Variants in MCF2L observed in about 807,000 individuals in gnomAD.
MCF2L encodes the protein MCF.2 cell line derived transforming sequence like.
MCF2L carries 97 observed loss-of-function variants against 153.4 expected under a neutral mutation model. The ratio of observed to expected loss-of-function variants is 0.63; its 90% CI spans 0.54 to 0.75. MCF2L has a LOEUF of 0.75. Among genes scored for constraint, MCF2L ranks in the 30% least tolerant of loss-of-function variants. The probability of loss-of-function intolerance (pLI) is 0.00; values close to 1 mark genes in which losing one functional copy is unlikely to be tolerated. For missense variants in MCF2L, 1,347 were observed against 1,495.2 expected (o/e 0.90, Z 1.64); for synonymous variants, 659 against 632.2 (o/e 1.04, Z -0.64).
At chr13:113,013,135 T>A (rs146044313) in intron 1 of MCF2L, among the ~76,000 whole-genome samples, 8 of 152,278 alleles carry the variant, frequency 5.3e-5, no homozygotes, top group African/African-American at 1.9e-4. Context: ...CTGCGCAGTC[T>A]AGGCTGCCGT....
At chr13:113,065,971 C>T (rs1240788585) in intron 7 of MCF2L, 75 bp from the exon 8 acceptor site, 1 of 1,503,952 alleles carries the variant, frequency 6.6e-7, no homozygotes, top group African/African-American at 1.4e-5. Context: ...AGAGCAAGGC[C>T]CCACGAGGCC....
intron 1 of MCF2L, among the ~76,000 whole-genome samples, chr13:112,970,341 G>A (rs1411671998): frequency 1.3e-5 from 2 of 152,146 alleles, no homozygotes; most frequent in African/African-American, 2.4e-5. Flanking sequence ...TGCCCACCCC[G>A]ATGGATTCTG....
chr13:113,013,253 C>T (rs2084290999), intron 1 of MCF2L, among the ~76,000 whole-genome samples: 1 of 152,230 alleles, frequency 6.6e-6, no homozygotes, highest in African/African-American at 2.4e-5. Context: ...TTCTGTCTTT[C>T]TCCCACAAAA....
At position 113,013,982 on chromosome 13, in the gene MCF2L, C is replaced by T. The variant is rs115010905; in HGVS notation, c.80-781C>T. On this transcript the variant is annotated intron_variant, in intron 1 of 29. Coordinates refer to ENST00000535094, the MANE Select transcript of MCF2L (RefSeq NM_001112732.3). ...TCCGAGCTGATGCTGGCCTAGTGCT[C>T]CCAGCTGGTGCTGGCCCCGTGCTCC... Among the ~76,000 whole-genome samples the T allele has an allele frequency of 8.5e-3, 1,271 of 150,378 alleles. 16 individuals carry two copies. The highest frequency in any genetic ancestry group is 0.03 in the African/African-American group (1,207 of 39,954).
Position 113,099,225 on chromosome 13 carries a change from T to C in MCF2L, c.*2366T>C, listed in dbSNP as rs2035829811. 6.6e-6 allele frequency: 1 copy of C among 152,150 alleles called. No homozygotes were observed. The highest frequency in any genetic ancestry group is 6.5e-5 in the Admixed American group (1 of 15,278). 9.4% of individuals were successfully genotyped at this position (152,150 alleles called of 1,614,324 possible). On this transcript the variant is annotated 3_prime_UTR_variant, in exon 30 of 30. Coordinates refer to ENST00000535094, the MANE Select transcript of MCF2L (RefSeq NM_001112732.3). ...CTATAAAGCTCAAAACACAGCAAAG[T>C]TGGCAGTCGGCAGACAGCAATGTTG... is the stretch of plus-strand genomic sequence containing the variant.
intron 18 of MCF2L, 36 bp from the exon 19 acceptor site, chr13:113,084,856 C>A (rs1364764448): frequency 6.6e-7 from 1 of 1,523,428 alleles, no homozygotes. Flanking sequence ...CTGCCCATCC[C>A]TCACTGCGTG....
At position 113,046,171 on chromosome 13, in the gene MCF2L, G is replaced by A. The variant is rs773561933; in HGVS notation, c.369+810G>A. 56 of 175,922 alleles carry A rather than the reference G, an allele frequency of 3.2e-4. No homozygotes were observed. The highest frequency in any genetic ancestry group is 1.1e-3 in the Admixed American group (19 of 16,598). 10.9% of individuals were successfully genotyped at this position (175,922 alleles called of 1,614,324 possible). A position where few individuals can be genotyped will look rare whatever the true frequency, so the allele number is the denominator to read the frequency against. On this transcript the variant is annotated intron_variant, in intron 4 of 29. Transcript: ENST00000535094. The surrounding 1 kb of genome is among the most constrained non-coding windows in gnomAD (Gnocchi z 4.4). ...TTATTTTTGTCGGTAGCTCCCACCC[G>A]TATGCATGACCCCGGCATGGAGCAT...
At chr13:113,096,037 T>G in intron 27 of MCF2L, 1 of 438,630 alleles carries the variant, frequency 2.3e-6, no homozygotes, top group Non-Finnish European at 4.1e-6. Context: ...CAAAGCAGCA[T>G]GGAAATAAGA....
chr13:112,972,796 C>G (rs61079887), intron 1 of MCF2L, among the ~76,000 whole-genome samples: 6 of 330 alleles, frequency 0.018, 2 homozygotes, highest in African/African-American at 0.029. Flanking sequence ...TGAGTGGATG[C>G]ATGGAGTGGA....
Position 113,065,070 on chromosome 13 carries a change from G to C in MCF2L, c.741G>C (p.Lys247Asn), listed in dbSNP as rs1209407265. The change falls in exon 7 of 30, where the codon AAG becomes AAC. Residue 247 changes from lysine (K) to asparagine (N), a missense_variant. This residue lies in a region of MCF2L where 820 missense variants were observed against 921.2 expected (regional missense o/e 0.89). Transcript: ENST00000535094. The part of the protein sequence containing the change: ...TSSVLCAHTE[K>N]KDKAKEDLRL... The stretch of plus-strand genomic sequence containing the variant: ...CAGTGCTGTGTGCGCACACAGAGAA[G>C]AAGGACAAGGCGAAGGTACATGGGG... 1 of 1,608,778 alleles carries C rather than the reference G, an allele frequency of 6.2e-7. No individual in the cohort carries two copies. The highest frequency in any genetic ancestry group is 8.5e-7 in the Non-Finnish European group (1 of 1,178,592).
At chr13:113,085,593 G>T (rs2034556267) in intron 20 of MCF2L, among the ~76,000 whole-genome samples, 1 of 152,150 alleles carries the variant, frequency 6.6e-6, no homozygotes, top group East Asian at 1.9e-4. Flanking sequence ...TTTGGCCAGG[G>T]TTAGGGTGGC....
chr13:113,022,840 A>G (rs561437788), intron 2 of MCF2L, among the ~76,000 whole-genome samples: 2 of 152,192 alleles, frequency 1.3e-5, no homozygotes, highest in African/African-American at 2.4e-5. Flanking sequence ...TGTTCACTCC[A>G]GGGCCTCTTA....
chr13:112,911,750 G>A (rs1210415317), intron 2 of MCF2L, among the ~76,000 whole-genome samples: 1 of 152,272 alleles, frequency 6.6e-6, no homozygotes, highest in Non-Finnish European at 1.5e-5. Context: ...GATGCGCTGA[G>A]CAGCGATTTC....
chr13:113,065,347 A>G (rs2032202118), intron 7 of MCF2L: 6 of 499,748 alleles, frequency 1.2e-5, no homozygotes, highest in Non-Finnish European at 2.1e-5. Flanking sequence ...GCGTTGGGTC[A>G]ACCATTGGCC....
intron 26 of MCF2L, chr13:113,090,659 G>C: frequency 1.0e-6 from 1 of 985,486 alleles, no homozygotes; most frequent in Middle Eastern, 5.2e-4. Flanking sequence ...GGGGAAATGG[G>C]CCCAGGAGGC....
At position 112,904,794 on chromosome 13, in the gene MCF2L, A is replaced by G. The variant is rs1198946089; in HGVS notation, c.169+2423A>G. ...GGCTCTCAGGCCCTGCCTGCACCACACCTGCTCCGTCTCCAGGTGACCTGG... is the reference window on the plus strand; with the variant it reads ...GGCTCTCAGGCCCTGCCTGCACCACGCCTGCTCCGTCTCCAGGTGACCTGG... On this transcript the variant is annotated intron_variant, in intron 2 of 29. Transcript: ENST00000375608. The surrounding 1 kb of genome is among the most constrained non-coding windows in gnomAD (Gnocchi z 4.2). Among the ~76,000 whole-genome samples the G allele has an allele frequency of 6.6e-6, 1 of 152,186 alleles. No individual in the cohort carries two copies. The highest frequency in any genetic ancestry group is 2.4e-5 in the African/African-American group (1 of 41,450).
At position 113,074,263 on chromosome 13, in the gene MCF2L, C is replaced by T. The variant is rs926934669; in HGVS notation, c.997-181C>T. On this transcript the variant is annotated intron_variant, in intron 9 of 29. Coordinates refer to ENST00000535094, the MANE Select transcript of MCF2L (RefSeq NM_001112732.3). This position sits in a 1 kb window ranked among gnomAD's most constrained non-coding sequence, Gnocchi z 4.2. The stretch of plus-strand genomic sequence containing the variant: ...GTCGACCCAGAGGCCCCACGGTCCC[C>T]GCTTGATTGGTGACCACTCGGGGCC... Among the ~76,000 whole-genome samples the T allele has an allele frequency of 6.6e-6, 1 of 152,152 alleles. No individual in the cohort carries two copies. The highest frequency in any genetic ancestry group is 2.4e-5 in the African/African-American group (1 of 41,428).
At chr13:113,029,710 C>A (rs2085528325) in intron 3 of MCF2L, among the ~76,000 whole-genome samples, 1 of 152,202 alleles carries the variant, frequency 6.6e-6, no homozygotes, top group Admixed American at 6.5e-5. Context: ...CCCGGGACAT[C>A]CCTGGGAGAC....
intron 3 of MCF2L, among the ~76,000 whole-genome samples, chr13:113,033,580 T>C (rs2085935987): frequency 6.6e-6 from 1 of 152,208 alleles, no homozygotes; most frequent in Non-Finnish European, 1.5e-5. Context: ...GTGTTCTGTC[T>C]GTGAGATTGT....
Sources: allele counts gnomAD v4.1 joint callset (sites outside exome capture counted in the v4.1 genomes callset), GRCh38; gene constraint gnomAD v4.1.1; regional missense constraint gnomAD v4.1.1; non-coding constraint Gnocchi (gnomAD v3.1); transcripts MANE v1.5; gene names NCBI Gene and HGNC (gene_info 2026-07-23, HGNC 2026-07-21).